The following PACRG variants were observed in gnomAD, a reference collection of about 807,000 sequenced individuals.
PACRG encodes parkin coregulated, also known as parkin coregulated gene protein.
PACRG carries 29 observed loss-of-function variants against 29.7 expected under a neutral mutation model. The observed-to-expected ratio is 0.98, with a 90% CI of 0.73 to 1.33. The LOEUF (loss-of-function observed/expected upper bound fraction) is 1.33, where lower values mean the gene tolerates loss of function less well. Among genes scored for constraint, PACRG ranks in the 40% most tolerant of loss-of-function variants. PACRG has a pLI of 0.00. For missense variants in PACRG, 279 were observed against 316.2 expected, an observed-to-expected ratio of 0.88 and a Z score of 0.89; for synonymous variants, 116 against 118.7, an observed-to-expected ratio of 0.98 and a Z score of 0.15.
At chr6:163,203,270 G>A (rs1160737489) in intron 4 of PACRG, among the ~76,000 whole-genome samples, 6 of 152,082 alleles carry the variant, frequency 3.9e-5, no homozygotes, top group East Asian at 3.9e-4. Context: ...AAATTTAGCC[G>A]GGTGTGGTGA....
chr6:162,966,945 A>C (rs1304495983), intron 2 of PACRG, among the ~76,000 whole-genome samples: 1 of 152,208 alleles, frequency 6.6e-6, no homozygotes, highest in Non-Finnish European at 1.5e-5. Context: ...CATCAAAATT[A>C]TATGGATATT....
intron 3 of PACRG, among the ~76,000 whole-genome samples, chr6:163,070,268 A>T (rs1270348377): frequency 1.3e-5 from 2 of 152,146 alleles, no homozygotes; most frequent in Admixed American, 6.5e-5. Context: ...ATAGAATATT[A>T]TAGCACTGTT....
At chr6:163,207,892 T>G (rs1162816610) in intron 4 of PACRG, among the ~76,000 whole-genome samples, 1 of 152,242 alleles carries the variant, frequency 6.6e-6, no homozygotes, top group African/African-American at 2.4e-5. Context: ...CAAGTGAGAT[T>G]GTGCCTGTCT....
At position 162,919,575 on chromosome 6, in the gene PACRG, G is replaced by A. The variant is rs1796925889; in HGVS notation, c.291+105294G>A. ...AAGTAGCAACCCATGGTGGCACTGG[G>A]AAGAGGAAGAAAAGATACAGATGTA... On this transcript the variant is annotated intron_variant, in intron 2 of 4. Transcript: ENST00000366888. 1.3e-5 allele frequency among the ~76,000 whole-genome samples: 2 copies of A among 152,194 alleles called. 1 individual carries two copies. The highest frequency in any genetic ancestry group is 4.8e-5 in the African/African-American group (2 of 41,450).
At chr6:162,928,485 G>A (rs1797613387) in intron 2 of PACRG, among the ~76,000 whole-genome samples, 1 of 150,572 alleles carries the variant, frequency 6.6e-6, no homozygotes, top group African/African-American at 2.4e-5. Context: ...TTTTTGTATT[G>A]ATACATAATA....
At position 163,278,305 on chromosome 6, in the gene PACRG, G is replaced by C. The variant is rs9458772; in HGVS notation, c.614-36522G>C. On this transcript the variant is annotated intron_variant, in intron 4 of 4. Coordinates refer to ENST00000366888, the MANE Select transcript of PACRG (RefSeq NM_001080379.2). The stretch of plus-strand genomic sequence containing the variant: ...TGTGGGTTGTCTGTTAACTCTGCTG[G>C]TTCTTTTGCTGTGCAGAAGCTTTTT... Among the ~76,000 whole-genome samples, 1,057 of 151,964 alleles carry C rather than the reference G, an allele frequency of 7.0e-3. 14 individuals carry two copies. The highest frequency in any genetic ancestry group is 0.024 in the African/African-American group (991 of 41,496).
At chr6:162,749,260 T>C (rs1449506706) in intron 1 of PACRG, among the ~76,000 whole-genome samples, 1 of 152,172 alleles carries the variant, frequency 6.6e-6, no homozygotes, top group Admixed American at 6.5e-5. Context: ...GGATGTATGT[T>C]TATCTCATTT....
chr6:163,102,486 G>T (rs560105581), intron 4 of PACRG, among the ~76,000 whole-genome samples: 2 of 152,304 alleles, frequency 1.3e-5, no homozygotes, highest in East Asian at 3.9e-4. Flanking sequence ...ATCCTGGGAA[G>T]ATCCCAAGGA....
At chr6:163,054,014 A>G (rs887503115) in intron 2 of PACRG, 1 of 152,212 alleles carries the variant, frequency 6.6e-6, no homozygotes, top group African/African-American at 2.4e-5. Context: ...ATGAGGCTAC[A>G]AAAAAATCAA....
At chr6:163,028,205 A>T (rs1470006956) in intron 2 of PACRG, among the ~76,000 whole-genome samples, 1 of 152,222 alleles carries the variant, frequency 6.6e-6, no homozygotes, top group Non-Finnish European at 1.5e-5. Context: ...TATAAGTATA[A>T]AAAAGTTAAA....
chr6:163,239,024 T>A (rs79891816), intron 4 of PACRG, among the ~76,000 whole-genome samples: 1,915 of 152,318 alleles, frequency 0.013, 51 homozygotes, highest in African/African-American at 0.042. Flanking sequence ...GACCTAGTGG[T>A]CAGCACTTAG....
At chr6:162,864,058 A>G (rs1186506395) in intron 2 of PACRG, among the ~76,000 whole-genome samples, 1 of 152,154 alleles carries the variant, frequency 6.6e-6, no homozygotes. Flanking sequence ...AGATACAGAA[A>G]TTCTCTACTC....
At chr6:163,272,484 A>G (rs539117056) in intron 4 of PACRG, among the ~76,000 whole-genome samples, 2 of 152,156 alleles carry the variant, frequency 1.3e-5, no homozygotes, top group East Asian at 3.9e-4. Flanking sequence ...TTTTACCTCA[A>G]ATTTATTTTT....
intron 2 of PACRG, among the ~76,000 whole-genome samples, chr6:162,947,595 C>CATATATATATATAATCATATAT (rs1799259517): frequency 3.9e-4 from 11 of 27,994 alleles, no homozygotes; most frequent in African/African-American, 1.1e-3. Flanking sequence ...TATATATAAT[C>CATATATATATATAATCATATAT]ATATATATAT....
At chr6:163,031,737 G>A (rs1298579079) in intron 2 of PACRG, among the ~76,000 whole-genome samples, 1 of 152,130 alleles carries the variant, frequency 6.6e-6, no homozygotes, top group African/African-American at 2.4e-5. Flanking sequence ...CCAGCCATGG[G>A]TTTCTACCCT....
chr6:162,804,265 G>T (rs1786123747), intron 1 of PACRG, among the ~76,000 whole-genome samples: 1 of 152,112 alleles, frequency 6.6e-6, no homozygotes, highest in Admixed American at 6.5e-5. Context: ...TTGTAACTTT[G>T]TAGTCTTGAA....
intron 4 of PACRG, among the ~76,000 whole-genome samples, chr6:163,292,930 C>G (rs887871146): frequency 6.6e-6 from 1 of 152,128 alleles, no homozygotes; most frequent in Non-Finnish European, 1.5e-5. Flanking sequence ...GATCAATGAG[C>G]AGGCGATCTC....
intron 2 of PACRG, among the ~76,000 whole-genome samples, chr6:162,914,782 T>A (rs1181284920): frequency 6.6e-6 from 1 of 151,842 alleles, no homozygotes; most frequent in Admixed American, 6.6e-5. Context: ...TTTTATTAGA[T>A]TTCTTCCTAT....
At chr6:162,754,158 A>AT (rs1781721827) in intron 1 of PACRG, among the ~76,000 whole-genome samples, 1 of 152,034 alleles carries the variant, frequency 6.6e-6, no homozygotes. Flanking sequence ...GCTTTCTTTC[A>AT]TTTTTTGATA....
Sources: allele counts gnomAD v4.1 joint callset (sites outside exome capture counted in the v4.1 genomes callset), GRCh38; gene constraint gnomAD v4.1.1; transcripts MANE v1.5; gene names NCBI Gene and HGNC (gene_info 2026-07-23, HGNC 2026-07-21).